SYT14: variants seen among roughly 807,000 people sequenced by gnomAD.
SYT14 encodes the protein synaptotagmin-14.
A neutral mutation model predicts 74.2 loss-of-function variants in SYT14; 32 were observed. The observed-to-expected ratio is 0.43, with a 90% confidence interval of 0.33 to 0.58. The LOEUF is 0.58. Ranked by LOEUF, SYT14 falls within the 20% of genes least tolerant of loss-of-function variation. The pLI, the probability that SYT14 is intolerant of heterozygous loss-of-function variation, is 0.05. For synonymous variants in SYT14, 298 were observed against 337.7 expected (o/e 0.88, Z 1.29); for missense variants, 791 against 981.8 (o/e 0.81, Z 2.60).
intron 8 of SYT14, 54 bp from the exon 8 acceptor site, chr1:210,159,367 A>G (rs1282612571): frequency 1.4e-5 from 21 of 1,513,274 alleles, no homozygotes; most frequent in East Asian, 7.4e-5. Context: ...CTTTCACCCA[A>G]CGATTGACAT....
intron 2 of SYT14, among the ~76,000 whole-genome samples, chr1:209,964,560 A>G (rs546646866): frequency 1.3e-5 from 2 of 152,116 alleles, no homozygotes; most frequent in African/African-American, 4.8e-5. Context: ...TTATTTTTCG[A>G]TGAACTTTGG....
At chr1:210,065,473 C>T (rs1207151096) in intron 5 of SYT14, among the ~76,000 whole-genome samples, 1 of 151,880 alleles carries the variant, frequency 6.6e-6, no homozygotes, top group Non-Finnish European at 1.5e-5. Context: ...CTGAGGCCTC[C>T]CCAGCTGTGC....
exon 4 of SYT14, chr1:210,015,969 C>T (rs185726478): frequency 1.2e-5 from 15 of 1,231,710 alleles, no homozygotes; most frequent in African/African-American, 4.7e-5. Context: ...GAGAAAATTC[C>T]ATTATTGCAC....
chr1:210,084,059 C>T (rs2081669595), intron 5 of SYT14, among the ~76,000 whole-genome samples: 1 of 152,124 alleles, frequency 6.6e-6, no homozygotes, highest in African/African-American at 2.4e-5. Flanking sequence ...ACCATCAGGG[C>T]TTCCCAATGA....
At chr1:210,017,265 T>C (rs1297601119) in intron 4 of SYT14, among the ~76,000 whole-genome samples, 1 of 152,196 alleles carries the variant, frequency 6.6e-6, no homozygotes, top group Non-Finnish European at 1.5e-5. Flanking sequence ...CAGTATTTTT[T>C]CTAAAATCAT....
chr1:210,013,369 C>T (rs534352918), intron 2 of SYT14, among the ~76,000 whole-genome samples: 2 of 151,678 alleles, frequency 1.3e-5, no homozygotes, highest in African/African-American at 2.4e-5. Flanking sequence ...TGTGCCTGGC[C>T]GACTCCTGTC....
chr1:210,066,938 A>G (rs2081306976), intron 5 of SYT14, among the ~76,000 whole-genome samples: 1 of 152,050 alleles, frequency 6.6e-6, no homozygotes, highest in Admixed American at 6.6e-5. Flanking sequence ...CAAGAGTTTT[A>G]TACTTTAAGC....
intron 7 of SYT14, among the ~76,000 whole-genome samples, chr1:210,155,090 T>A (rs1156230705): frequency 1.3e-5 from 2 of 152,188 alleles, no homozygotes; most frequent in East Asian, 3.8e-4. Context: ...TGTTATTAAA[T>A]GCATCCAAAT....
intron 2 of SYT14, among the ~76,000 whole-genome samples, chr1:209,956,281 C>CA (rs2078990276): frequency 1.3e-5 from 1 of 79,350 alleles, no homozygotes; most frequent in African/African-American, 6.8e-5. Context: ...CTGAACAAAC[C>CA]CCAAATAATG....
chr1:210,117,676 C>T (rs1227795156), intron 7 of SYT14, among the ~76,000 whole-genome samples: 3 of 152,030 alleles, frequency 2.0e-5, no homozygotes, highest in African/African-American at 7.2e-5. Flanking sequence ...TGCAGTCTCA[C>T]ACAAAGAATT....
chr1:210,169,704 TAAG>T (rs2083502230), exon 10 of SYT14: 1 of 152,086 alleles, frequency 6.6e-6, no homozygotes, highest in Non-Finnish European at 1.5e-5. Context: ...AATTTTGAAA[TAAG>T]AAAGTGTATA....
intron 2 of SYT14, among the ~76,000 whole-genome samples, chr1:209,993,703 A>G (rs564538150): frequency 1.4e-4 from 21 of 152,054 alleles, no homozygotes; most frequent in Non-Finnish European, 2.9e-4. Context: ...ATGGGCGCCC[A>G]TGATTGGAGG....
At chr1:210,004,318 C>G (rs1451755169) in intron 2 of SYT14, among the ~76,000 whole-genome samples, 1 of 151,924 alleles carries the variant, frequency 6.6e-6, no homozygotes, top group African/African-American at 2.4e-5. Flanking sequence ...CCTAGTATTC[C>G]TAGGACCTTC....
At chr1:210,033,509 C>G (rs1488388088) in intron 5 of SYT14, among the ~76,000 whole-genome samples, 1 of 151,588 alleles carries the variant, frequency 6.6e-6, no homozygotes, top group African/African-American at 2.4e-5. Context: ...CAAAAATTAC[C>G]TTGAGAATAT....
intron 3 of SYT14, among the ~76,000 whole-genome samples, chr1:210,014,693 A>C (rs1243317851): frequency 1.3e-5 from 2 of 152,138 alleles, no homozygotes; most frequent in East Asian, 3.8e-4. Flanking sequence ...CTTTTGCATT[A>C]AGAAACTATA....
intron 7 of SYT14, among the ~76,000 whole-genome samples, chr1:210,129,467 C>T (rs2082631629): frequency 6.6e-6 from 1 of 152,130 alleles, no homozygotes; most frequent in African/African-American, 2.4e-5. Context: ...GCTGGTTGGT[C>T]GGTCACCTTC....
intron 2 of SYT14, among the ~76,000 whole-genome samples, chr1:210,007,134 A>AT (rs1157320360): frequency 6.6e-6 from 1 of 151,822 alleles, no homozygotes; most frequent in African/African-American, 2.4e-5. Context: ...AAAAATTGGT[A>AT]TTTTTTAAGT....
At chr1:210,037,738 A>G (rs2080699612) in intron 5 of SYT14, among the ~76,000 whole-genome samples, 1 of 151,944 alleles carries the variant, frequency 6.6e-6, no homozygotes, top group African/African-American at 2.4e-5. Flanking sequence ...ATATATTTGT[A>G]TAGTTTTGAG....
At chr1:209,966,781 T>G (rs1057415808) in intron 2 of SYT14, among the ~76,000 whole-genome samples, 3 of 152,330 alleles carry the variant, frequency 2.0e-5, no homozygotes, top group Non-Finnish European at 4.4e-5. Context: ...AATGACAGTT[T>G]TACTTCTTCC....
Sources: gnomAD v4.1 joint callset for allele counts (sites outside exome capture counted in the v4.1 genomes callset) on GRCh38, gnomAD v4.1.1 for gene constraint, MANE v1.5 for transcripts, NCBI Gene and HGNC (gene_info 2026-07-23, HGNC 2026-07-21) for gene names.